RAB38: variants seen among roughly 807,000 people sequenced by gnomAD.
The protein encoded by RAB38 is RAB38, member RAS oncogene family.
In RAB38, 15 loss-of-function variants were observed where a neutral mutation model predicts 18.4. The observed-to-expected ratio is 0.82, with a 90% confidence interval of 0.55 to 1.26. RAB38 has a LOEUF of 1.26. Ranked by LOEUF, RAB38 falls within the 50% of genes most tolerant of loss-of-function variation. RAB38 has a pLI of 0.00. For synonymous variants in RAB38, 101 were observed against 104.4 expected (o/e 0.97, Z 0.20); for missense variants, 294 against 267.4 (o/e 1.10, Z -0.69).
At chr11:88,056,905 C>T in the RAB38 span, among the ~76,000 whole-genome samples, 11 of 152,214 alleles carry the variant, frequency 7.2e-5, no homozygotes, top group East Asian at 2.1e-3. Context: ...ACTACCAAAT[C>T]ACCAAACCTA....
At chr11:88,132,011 GA>G (rs1942772141) in intron 2 of RAB38, among the ~76,000 whole-genome samples, 1 of 152,200 alleles carries the variant, frequency 6.6e-6, no homozygotes, top group African/African-American at 2.4e-5. Context: ...ACAAGGAACT[GA>G]GTTCTGCCAA....
chr11:88,097,326 A>C, the RAB38 span, among the ~76,000 whole-genome samples: 2 of 151,956 alleles, frequency 1.3e-5, no homozygotes, highest in African/African-American at 2.4e-5. Flanking sequence ...AGCTAAGTAC[A>C]GAGGAAACAA....
At chr11:88,018,298 C>T in the RAB38 span, among the ~76,000 whole-genome samples, 43 of 152,140 alleles carry the variant, frequency 2.8e-4, no homozygotes, top group Admixed American at 1.9e-3. Flanking sequence ...TACTGCAGCA[C>T]GTGCTTCTCA....
At chr11:87,921,545 CTATA>C in the RAB38 span, among the ~76,000 whole-genome samples, 1 of 148,220 alleles carries the variant, frequency 6.7e-6, no homozygotes, top group Non-Finnish European at 1.5e-5. Context: ...AAATCTCTCT[CTATA>C]TATAAAATAT....
chr11:88,024,262 T>C, the RAB38 span, among the ~76,000 whole-genome samples: 1 of 152,086 alleles, frequency 6.6e-6, no homozygotes, highest in Admixed American at 6.5e-5. Context: ...GATATACAAA[T>C]GGTAAACAGG....
the RAB38 span, among the ~76,000 whole-genome samples, chr11:87,900,657 A>AAGGT: frequency 4.1e-5 from 5 of 121,276 alleles, no homozygotes; most frequent in African/African-American, 1.0e-4. Flanking sequence ...CACAGAAAGA[A>AAGGT]AGGTAGGAAG....
the RAB38 span, among the ~76,000 whole-genome samples, chr11:87,857,399 A>T: frequency 6.6e-6 from 1 of 152,202 alleles, no homozygotes; most frequent in South Asian, 2.1e-4. Context: ...TGGCTGGGTC[A>T]AATGGTATTT....
At chr11:88,038,002 TTG>T in the RAB38 span, among the ~76,000 whole-genome samples, 2 of 152,192 alleles carry the variant, frequency 1.3e-5, no homozygotes, top group South Asian at 4.1e-4. Flanking sequence ...TAATATAGTA[TTG>T]TGTGTGTATT....
In RAB38 at chr11:88,175,412, C is replaced by T; in HGVS notation, c.-28G>A. ...TGGCGGCCGGCCAGACGTGCCGTGC[C>T]TGACCAGGGAAGCGCAGCCTGGGCT... On this transcript the variant is annotated 5_prime_UTR_variant, in exon 1 of 3. Coordinates refer to ENST00000243662, the MANE Select transcript of RAB38 (RefSeq NM_022337.3). The T allele has an allele frequency of 3.7e-6, 6 of 1,607,626 alleles. No individual in the cohort carries two copies. The highest frequency in any genetic ancestry group is 5.1e-6 in the Non-Finnish European group (6 of 1,175,732).
intron 2 of RAB38, among the ~76,000 whole-genome samples, chr11:88,116,237 C>T (rs758981610): frequency 9.2e-5 from 14 of 152,108 alleles, no homozygotes; most frequent in Non-Finnish European, 1.8e-4. Flanking sequence ...GAAGCCTGTC[C>T]GATGGTCCCC....
the RAB38 span, among the ~76,000 whole-genome samples, chr11:87,814,540 C>A: frequency 6.6e-6 from 1 of 152,136 alleles, no homozygotes; most frequent in Non-Finnish European, 1.5e-5. Flanking sequence ...TTAATACTGA[C>A]ATGGTAAAGT....
At chr11:87,952,629 T>C in the RAB38 span, among the ~76,000 whole-genome samples, 17 of 152,242 alleles carry the variant, frequency 1.1e-4, no homozygotes, top group African/African-American at 3.9e-4. Context: ...CATCACAGTA[T>C]TGTAATCAGT....
At chr11:88,035,328 T>C in the RAB38 span, among the ~76,000 whole-genome samples, 4 of 152,218 alleles carry the variant, frequency 2.6e-5, no homozygotes, top group Non-Finnish European at 5.9e-5. Context: ...TTGAAAGTAA[T>C]GTGTTTTTAT....
At chr11:87,825,135 G>T in the RAB38 span, among the ~76,000 whole-genome samples, 1 of 152,090 alleles carries the variant, frequency 6.6e-6, no homozygotes, top group Non-Finnish European at 1.5e-5. Context: ...TTTCCATCAA[G>T]AATCCTACAT....
At chr11:87,827,205 A>G in the RAB38 span, among the ~76,000 whole-genome samples, 1 of 152,190 alleles carries the variant, frequency 6.6e-6, no homozygotes, top group Non-Finnish European at 1.5e-5. Context: ...ATGATAACAA[A>G]TATAAATATA....
the RAB38 span, among the ~76,000 whole-genome samples, chr11:87,933,941 T>C: frequency 1.3e-5 from 2 of 152,190 alleles, no homozygotes; most frequent in East Asian, 3.9e-4. Flanking sequence ...AAAGGCATCA[T>C]GAAGAGAAGT....
intron 2 of RAB38, among the ~76,000 whole-genome samples, chr11:88,125,824 T>C (rs1942688391): frequency 6.6e-6 from 1 of 152,168 alleles, no homozygotes; most frequent in Admixed American, 6.6e-5. Flanking sequence ...GCCTAGGTTT[T>C]CTTCTAGGGT....
chr11:87,929,431 G>A, the RAB38 span, among the ~76,000 whole-genome samples: 3 of 151,642 alleles, frequency 2.0e-5, no homozygotes, highest in Admixed American at 1.3e-4. Context: ...ATTTCCTGGT[G>A]TGGATATACC....
the RAB38 span, among the ~76,000 whole-genome samples, chr11:87,883,374 T>A: frequency 6.6e-6 from 1 of 151,904 alleles, no homozygotes; most frequent in Non-Finnish European, 1.5e-5. Flanking sequence ...CGTTTGAAAT[T>A]TCCTAGCTAG....
Sources: allele counts gnomAD v4.1 joint callset (sites outside exome capture counted in the v4.1 genomes callset), GRCh38; gene constraint gnomAD v4.1.1; transcripts MANE v1.5; gene names NCBI Gene and HGNC (gene_info 2026-07-23, HGNC 2026-07-21).